The following SLC8A1 variants were observed in gnomAD, a reference collection of about 807,000 sequenced individuals.
SLC8A1 encodes the protein solute carrier family 8 member A1, also known as sodium/calcium exchanger 1.
In SLC8A1, 18 loss-of-function variants were observed where a neutral mutation model predicts 68.3. The ratio of observed to expected loss-of-function variants is 0.26; its 90% CI spans 0.18 to 0.39. The LOEUF is 0.39. Ranked by LOEUF, SLC8A1 falls within the 10% of genes least tolerant of loss-of-function variation. The pLI is 1.00. For synonymous variants in SLC8A1, 475 were observed against 415.5 expected (o/e 1.14, Z -1.74); for missense variants, 985 against 1,156.7 (o/e 0.85, Z 2.15).
chr2:40,114,565 G>C (rs552416746), exon 8 of SLC8A1: 2 of 152,816 alleles, frequency 1.3e-5, no homozygotes, highest in South Asian at 2.1e-4. Context: ...TGTTAAACGA[G>C]ACTGCCAGGT....
At chr2:40,285,854 G>C (rs1052359726) in intron 2 of SLC8A1, among the ~76,000 whole-genome samples, 1 of 152,108 alleles carries the variant, frequency 6.6e-6, no homozygotes, top group African/African-American at 2.4e-5. Context: ...ATAGAACTTT[G>C]TGCTTGCCAT....
At chr2:40,137,192 TAAAAC>T (rs1243416627) in intron 7 of SLC8A1, among the ~76,000 whole-genome samples, 4 of 152,180 alleles carry the variant, frequency 2.6e-5, no homozygotes, top group African/African-American at 9.7e-5. Flanking sequence ...AAGAGTTTCT[TAAAAC>T]AAGAGACACA....
chr2:40,365,447 G>T (rs999066630), intron 2 of SLC8A1, among the ~76,000 whole-genome samples: 1 of 152,064 alleles, frequency 6.6e-6, no homozygotes, highest in Non-Finnish European at 1.5e-5. Flanking sequence ...ATATAACAGA[G>T]AAATAATTAA....
At chr2:40,420,877 G>T (rs1434883804) in intron 2 of SLC8A1, among the ~76,000 whole-genome samples, 2 of 152,258 alleles carry the variant, frequency 1.3e-5, no homozygotes, top group East Asian at 3.9e-4. Context: ...CAGTGCTGCT[G>T]AATTCTGGAT....
chr2:40,486,721 CT>C (rs35556550), intron 1 of SLC8A1, among the ~76,000 whole-genome samples: 5,732 of 144,866 alleles, frequency 0.04, 212 homozygotes, highest in African/African-American at 0.1. Flanking sequence ...TTTTTAATTT[CT>C]TTTTTTTTTT....
chr2:40,263,788 G>A (rs2065011728), intron 2 of SLC8A1, among the ~76,000 whole-genome samples: 1 of 152,088 alleles, frequency 6.6e-6, no homozygotes, highest in Non-Finnish European at 1.5e-5. Context: ...CATAGGCATG[G>A]GCAAGGACTT....
upstream of SLC8A1, among the ~76,000 whole-genome samples, chr2:40,456,009 C>T (rs1206536471): frequency 1.3e-5 from 2 of 149,418 alleles, no homozygotes; most frequent in African/African-American, 4.9e-5. Flanking sequence ...TACATTTGAG[C>T]AACTGATATT....
intron 1 of SLC8A1, among the ~76,000 whole-genome samples, chr2:40,498,902 T>G (rs1705878530): frequency 6.6e-6 from 1 of 152,030 alleles, no homozygotes. Context: ...TAAAAACTAT[T>G]TCTTGGCTGA....
intron 6 of SLC8A1, among the ~76,000 whole-genome samples, chr2:40,152,330 A>G (rs755319048): frequency 2.0e-5 from 3 of 152,206 alleles, no homozygotes; most frequent in Non-Finnish European, 4.4e-5. Flanking sequence ...AACCTCCAAC[A>G]TAGTAAAACA....
intron 2 of SLC8A1, among the ~76,000 whole-genome samples, chr2:40,362,550 T>C (rs911209918): frequency 1.2e-4 from 18 of 152,138 alleles, no homozygotes; most frequent in African/African-American, 4.3e-4. Flanking sequence ...CATTTAATCA[T>C]TAATAATACA....
chr2:40,415,967 C>G (rs1693738028), intron 2 of SLC8A1, among the ~76,000 whole-genome samples: 1 of 147,714 alleles, frequency 6.8e-6, no homozygotes. Flanking sequence ...GAGGCTGAGG[C>G]AGGAGAATTG....
At chr2:40,253,021 A>AG (rs2063132865) in intron 2 of SLC8A1, among the ~76,000 whole-genome samples, 1 of 99,952 alleles carries the variant, frequency 1.0e-5, no homozygotes, top group Admixed American at 1.1e-4. Flanking sequence ...ATCTGTATAT[A>AG]TGTATATACA....
At chr2:40,152,980 A>AAAAT (rs2043740126) in intron 6 of SLC8A1, among the ~76,000 whole-genome samples, 1 of 152,148 alleles carries the variant, frequency 6.6e-6, no homozygotes, top group African/African-American at 2.4e-5. Flanking sequence ...CTTTTTTAAA[A>AAAAT]AAATAGAAGA....
At chr2:40,193,789 A>G (rs2052374447) in intron 2 of SLC8A1, among the ~76,000 whole-genome samples, 1 of 152,092 alleles carries the variant, frequency 6.6e-6, no homozygotes, top group South Asian at 2.1e-4. Context: ...TGGAGAAGAT[A>G]TTATCTCCTG....
intron 2 of SLC8A1, chr2:40,195,826 G>A (rs1431186056): frequency 6.6e-6 from 1 of 152,036 alleles, no homozygotes; most frequent in Non-Finnish European, 1.5e-5. Flanking sequence ...ATTCTGAAGT[G>A]GTAATTGAAG....
At chr2:40,257,211 A>G (rs1434280101) in intron 2 of SLC8A1, among the ~76,000 whole-genome samples, 1 of 152,138 alleles carries the variant, frequency 6.6e-6, no homozygotes, top group Admixed American at 6.6e-5. Flanking sequence ...CATTGGAAAA[A>G]AGTAAAGATA....
chr2:40,167,019 T>C (rs1317991576), intron 4 of SLC8A1, among the ~76,000 whole-genome samples: 2 of 152,114 alleles, frequency 1.3e-5, no homozygotes, highest in Non-Finnish European at 2.9e-5. Context: ...CTAGAAAAAA[T>C]AGAGAAATTA....
chr2:40,295,660 G>A (rs960558803), intron 2 of SLC8A1, among the ~76,000 whole-genome samples: 1 of 152,124 alleles, frequency 6.6e-6, no homozygotes, highest in East Asian at 1.9e-4. Flanking sequence ...TGAGGCACAA[G>A]AAACACCTGT....
At chr2:40,286,917 C>A (rs1313575607) in intron 2 of SLC8A1, among the ~76,000 whole-genome samples, 1 of 152,198 alleles carries the variant, frequency 6.6e-6, no homozygotes, top group Admixed American at 6.5e-5. Flanking sequence ...AAAGATGATG[C>A]AACCACGACA....
Sources: allele counts gnomAD v4.1 joint callset (sites outside exome capture counted in the v4.1 genomes callset), GRCh38; gene constraint gnomAD v4.1.1; transcripts MANE v1.5; gene names NCBI Gene and HGNC (gene_info 2026-07-23, HGNC 2026-07-21).